Variants in PAGE2B observed in about 807,000 individuals in gnomAD.
The protein encoded by PAGE2B is putative G antigen family E member 3.
A neutral mutation model predicts 7.6 loss-of-function variants in PAGE2B; 5 were observed. That is an observed-to-expected ratio of 0.66 (90% CI 0.34 to 1.38). The LOEUF is 1.38. PAGE2B is among the 40% of genes most tolerant of loss of function. The pLI is 0.04. For synonymous variants in PAGE2B, 29 were observed against 26.7 expected, an observed-to-expected ratio of 1.09 and a Z score of -0.27; for missense variants, 70 against 78.4, an observed-to-expected ratio of 0.89 and a Z score of 0.41.
upstream of PAGE2B, among the ~76,000 whole-genome samples, chrX:55,071,673 C>T (rs73490452): frequency 0.044 from 4,940 of 111,932 alleles, 285 homozygotes; most frequent in African/African-American, 0.15. Flanking sequence ...CTCCCTGTTA[C>T]TTTCACGTAC....
the PAGE2B span, among the ~76,000 whole-genome samples, chrX:55,051,553 T>C: frequency 8.9e-6 from 1 of 111,821 alleles, no homozygotes; most frequent in Non-Finnish European, 1.9e-5. Context: ...CTTCATTTCA[T>C]TCATTTTATC....
the PAGE2B span, among the ~76,000 whole-genome samples, chrX:55,030,750 G>A: frequency 3.4e-4 from 38 of 111,487 alleles, no homozygotes; most frequent in South Asian, 1.9e-3. Context: ...GGGAAAAAGA[G>A]AGAAAAAAGC....
the PAGE2B span, among the ~76,000 whole-genome samples, chrX:55,050,067 C>A: frequency 8.9e-6 from 1 of 112,201 alleles, no homozygotes; most frequent in Non-Finnish European, 1.9e-5. Flanking sequence ...CGTTATGTAC[C>A]CAGTAGTCAT....
chrX:55,051,917 G>GT, the PAGE2B span, among the ~76,000 whole-genome samples: 1 of 111,630 alleles, frequency 9.0e-6, no homozygotes. Flanking sequence ...TTTCTGCTCT[G>GT]TTTTTTCCAC....
chrX:55,075,764 A>T (rs1005891162), intron 1 of PAGE2B, among the ~76,000 whole-genome samples: 3 of 110,990 alleles, frequency 2.7e-5, no homozygotes, highest in African/African-American at 9.9e-5. Context: ...TGTCTTCATG[A>T]TGGAGAGTCT....
At chrX:55,054,792 T>C in the PAGE2B span, among the ~76,000 whole-genome samples, 1 of 111,901 alleles carries the variant, frequency 8.9e-6, no homozygotes, top group Non-Finnish European at 1.9e-5. Context: ...TATTTTTAAC[T>C]AAGTATTTGG....
chrX:55,065,694 T>C, the PAGE2B span, among the ~76,000 whole-genome samples: 1 of 111,890 alleles, frequency 8.9e-6, no homozygotes, highest in Non-Finnish European at 1.9e-5. Context: ...TTCCTTTTTA[T>C]TTTTTGTGTA....
At chrX:55,056,010 A>G in the PAGE2B span, among the ~76,000 whole-genome samples, 1 of 111,240 alleles carries the variant, frequency 9.0e-6, no homozygotes, top group Admixed American at 9.6e-5. Context: ...AGTGCACTGC[A>G]GGGTTTCAGT....
At chrX:55,065,131 A>G in the PAGE2B span, among the ~76,000 whole-genome samples, 5 of 111,964 alleles carry the variant, frequency 4.5e-5, no homozygotes, top group Non-Finnish European at 9.4e-5. Context: ...GATCTGTCCA[A>G]TGCTGAAAAT....
chrX:55,073,178 T>C (rs777293423), upstream of PAGE2B, among the ~76,000 whole-genome samples: 30 of 111,908 alleles, frequency 2.7e-4, no homozygotes, highest in Non-Finnish European at 4.9e-4. Context: ...AGTTTTGTGC[T>C]TGAAACCCAG....
chrX:55,064,697 C>G, the PAGE2B span, among the ~76,000 whole-genome samples: 1 of 110,345 alleles, frequency 9.1e-6, no homozygotes, highest in Non-Finnish European at 1.9e-5. Context: ...TTATAAACTT[C>G]CCTCTTGGTA....
At chrX:55,041,927 T>C in the PAGE2B span, among the ~76,000 whole-genome samples, 2,403 of 111,728 alleles carry the variant, frequency 0.022, 30 homozygotes, top group Non-Finnish European at 0.032. Context: ...AAGCCATCTA[T>C]GATAGATCCA....
At chrX:55,047,893 T>C in the PAGE2B span, among the ~76,000 whole-genome samples, 1 of 112,001 alleles carries the variant, frequency 8.9e-6, no homozygotes, top group African/African-American at 3.2e-5. Flanking sequence ...CCTTGCCCAA[T>C]CCTATGTCCT....
chrX:55,042,430 G>A, the PAGE2B span, among the ~76,000 whole-genome samples: 99 of 108,884 alleles, frequency 9.1e-4, no homozygotes, highest in Admixed American at 1.8e-3. Flanking sequence ...CGAGGTGGGC[G>A]GATCACGAGG....
rs1414423192 is a variant in PAGE2B, at chrX:55,077,660, A to T, written c.319+136A>T. ...TTCTTTGAATGTAGTTCAGACCCCA[A>T]ATGGCTGCCTTACACACTATCAGGG... is the stretch of plus-strand genomic sequence containing the variant. On this transcript the variant is annotated intron_variant, in intron 4 of 4. Transcript: ENST00000374971. 14 of 1,108,303 alleles carry T rather than the reference A, an allele frequency of 1.3e-5. No individual in the cohort carries two copies. In the African/African-American group the frequency reaches 2.4e-4, roughly 19 times the overall value. 91.3% of individuals were successfully genotyped at this position (1,108,303 alleles called of 1,213,427 possible).
chrX:55,037,840 G>A, the PAGE2B span, among the ~76,000 whole-genome samples: 2 of 94,925 alleles, frequency 2.1e-5, no homozygotes, highest in Non-Finnish European at 2.0e-5. Context: ...TCATAGGTGG[G>A]AATTGAACAA....
At chrX:55,069,909 T>A in the PAGE2B span, among the ~76,000 whole-genome samples, 2 of 112,055 alleles carry the variant, frequency 1.8e-5, no homozygotes, top group Non-Finnish European at 3.8e-5. Flanking sequence ...CATTTTTTAT[T>A]GCATCTATTT....
chrX:55,076,455 T>C, intron 2 of PAGE2B, 114 bp from the exon 3 acceptor site: 4 of 692,374 alleles, frequency 5.8e-6, no homozygotes, highest in Non-Finnish European at 8.7e-6. Flanking sequence ...TATATACATA[T>C]ATATGTGTTT....
the PAGE2B span, among the ~76,000 whole-genome samples, chrX:55,052,247 T>C: frequency 2.7e-5 from 3 of 112,617 alleles, no homozygotes; most frequent in African/African-American, 9.7e-5. Flanking sequence ...GTTAGGCTAC[T>C]CATGGGTGAG....
Sources: gnomAD v4.1 joint callset for allele counts (sites outside exome capture counted in the v4.1 genomes callset) on GRCh38, gnomAD v4.1.1 for gene constraint, MANE v1.5 for transcripts, NCBI Gene and HGNC (gene_info 2026-07-23, HGNC 2026-07-21) for gene names.